Variants in MDGA2 observed in about 807,000 individuals in gnomAD.
The protein encoded by MDGA2 is MAM domain-containing glycosylphosphatidylinositol anchor protein 2.
MDGA2 carries 40 observed loss-of-function variants against 117.8 expected under a neutral mutation model. The ratio of observed to expected loss-of-function variants is 0.34; its 90% CI spans 0.26 to 0.44. The LOEUF is 0.44. Ranked by LOEUF, MDGA2 falls within the 20% of genes least tolerant of loss-of-function variation. The pLI, the probability that MDGA2 is intolerant of heterozygous loss-of-function variation, is 1.00. For missense variants in MDGA2, 1,123 were observed against 1,250.6 expected, an observed-to-expected ratio of 0.90 and a Z score of 1.54; for synonymous variants, 452 against 439.0, an observed-to-expected ratio of 1.03 and a Z score of -0.37.
chr14:47,379,775 A>G (rs551111806), intron 1 of MDGA2, among the ~76,000 whole-genome samples: 1 of 152,166 alleles, frequency 6.6e-6, no homozygotes, highest in African/African-American at 2.4e-5. Flanking sequence ...TAATAATGGG[A>G]GACTTTAACA....
intron 1 of MDGA2, among the ~76,000 whole-genome samples, chr14:47,392,126 G>A (rs1027917474): frequency 4.6e-5 from 7 of 151,966 alleles, no homozygotes; most frequent in African/African-American, 1.7e-4. Context: ...AATGGAAGGC[G>A]TATGTAAAGA....
chr14:47,549,343 A>ATCTCTCTCTCTCTCTCTCTCTCTC (rs3039661), intron 1 of MDGA2, among the ~76,000 whole-genome samples: 93 of 140,220 alleles, frequency 6.6e-4, no homozygotes, highest in East Asian at 1.3e-3. Flanking sequence ...CACCAGTATT[A>ATCTCTCTCTCTCTCTCTCTCTCTC]TCTCTCTCTC....
intron 1 of MDGA2, among the ~76,000 whole-genome samples, chr14:47,635,132 G>T (rs553662385): frequency 1.3e-5 from 2 of 152,094 alleles, no homozygotes; most frequent in East Asian, 1.9e-4. Context: ...TTTATGAGTT[G>T]TATCATCGTC....
intron 1 of MDGA2, among the ~76,000 whole-genome samples, chr14:47,314,871 A>T (rs1889757344): frequency 6.6e-6 from 1 of 152,164 alleles, no homozygotes; most frequent in African/African-American, 2.4e-5. Context: ...TAGTTTATTG[A>T]CATGACGAGA....
chr14:47,518,854 T>C (rs530412434), intron 1 of MDGA2, among the ~76,000 whole-genome samples: 9 of 152,304 alleles, frequency 5.9e-5, no homozygotes, highest in Non-Finnish European at 1.2e-4. Context: ...ATTTTTACTG[T>C]TTTCATTTTC....
chr14:47,555,795 C>A (rs1370132935), intron 1 of MDGA2, among the ~76,000 whole-genome samples: 2 of 152,120 alleles, frequency 1.3e-5, no homozygotes, highest in African/African-American at 4.8e-5. Context: ...TTCTATCCAT[C>A]TCGACCCTTT....
chr14:47,339,881 T>C (rs538911140), intron 1 of MDGA2, among the ~76,000 whole-genome samples: 34 of 152,294 alleles, frequency 2.2e-4, no homozygotes, highest in Non-Finnish European at 4.4e-5. Flanking sequence ...AGCATATGTA[T>C]ATATACATTA....
chr14:47,169,098 C>T (rs1884014070), intron 3 of MDGA2, among the ~76,000 whole-genome samples: 2 of 151,564 alleles, frequency 1.3e-5, no homozygotes, highest in Non-Finnish European at 2.9e-5. Flanking sequence ...ATGAACTTAC[C>T]AAAATTCCCC....
intron 1 of MDGA2, among the ~76,000 whole-genome samples, chr14:47,427,802 A>G (rs11157559): frequency 0.33 from 49,657 of 151,782 alleles, 8,546 homozygotes; most frequent in East Asian, 0.59. Flanking sequence ...GAAGCCTCAC[A>G]TGGCTCTGCT....
At chr14:47,254,671 C>T (rs555971636) in intron 2 of MDGA2, among the ~76,000 whole-genome samples, 2 of 152,274 alleles carry the variant, frequency 1.3e-5, no homozygotes, top group South Asian at 2.1e-4. Context: ...TTATTCTGAG[C>T]CCTCCAAACT....
chr14:47,537,574 TAAAAA>T (rs58060138), intron 1 of MDGA2, among the ~76,000 whole-genome samples: 928 of 36,300 alleles, frequency 0.026, 5 homozygotes, highest in Non-Finnish European at 0.04. Context: ...TTCTCTCTGT[TAAAAA>T]AAAAAAAAAA....
At chr14:46,898,109 G>A (rs1883150899) in intron 10 of MDGA2, among the ~76,000 whole-genome samples, 1 of 151,884 alleles carries the variant, frequency 6.6e-6, no homozygotes. Context: ...ATAAATGCAT[G>A]GAGGACTATT....
intron 2 of MDGA2, among the ~76,000 whole-genome samples, chr14:47,294,828 T>C (rs1290717757): frequency 1.3e-5 from 2 of 152,206 alleles, no homozygotes; most frequent in African/African-American, 4.8e-5. Flanking sequence ...TGGCTACTAA[T>C]GTTTGCTAAG....
At chr14:47,023,214 A>G (rs896948479) in intron 8 of MDGA2, among the ~76,000 whole-genome samples, 21 of 150,986 alleles carry the variant, frequency 1.4e-4, no homozygotes, top group African/African-American at 2.9e-4. Context: ...AAAAAAAAAA[A>G]AAAGAAAAAG....
chr14:47,603,672 T>C (rs956597757), intron 1 of MDGA2, among the ~76,000 whole-genome samples: 1 of 152,128 alleles, frequency 6.6e-6, no homozygotes, highest in East Asian at 1.9e-4. Flanking sequence ...CTTCCCTTCC[T>C]CGTTTCCTTC....
intron 1 of MDGA2, among the ~76,000 whole-genome samples, chr14:47,425,991 T>C (rs897905911): frequency 1.3e-5 from 2 of 152,006 alleles, no homozygotes; most frequent in African/African-American, 4.8e-5. Context: ...CATATCAAAC[T>C]TAGTTTCTTT....
At chr14:46,960,378 A>G (rs1856591609) in intron 8 of MDGA2, 1 of 152,122 alleles carries the variant, frequency 6.6e-6, no homozygotes, top group African/African-American at 2.4e-5. Context: ...GTTATCATTT[A>G]GATCTATCAT....
chr14:46,848,838 C>T (rs983264957), intron 15 of MDGA2, among the ~76,000 whole-genome samples: 2 of 151,918 alleles, frequency 1.3e-5, no homozygotes, highest in Non-Finnish European at 2.9e-5. Context: ...TGCTGAACAA[C>T]AAAACTAGCA....
rs921540917 is a variant in MDGA2, at chr14:47,058,750, C to T, written c.1525+2499G>A. ...TCAAAGGTCAGTTTTGGCTTGAAGA[C>T]AGAATATGTAATCATCTTCAGTAAC... On this transcript the variant is annotated intron_variant, in intron 7 of 16. Coordinates refer to ENST00000399232, the MANE Select transcript of MDGA2 (RefSeq NM_001113498.3). The T allele has an allele frequency of 3.0e-6, 3 of 985,238 alleles. No individual in the cohort carries two copies. In the African/African-American group the frequency reaches 5.2e-5, roughly 17 times the overall value. 61.0% of individuals were successfully genotyped at this position (985,238 alleles called of 1,614,324 possible).
Sources: gnomAD v4.1 joint callset for allele counts (sites outside exome capture counted in the v4.1 genomes callset) on GRCh38, gnomAD v4.1.1 for gene constraint, MANE v1.5 for transcripts, NCBI Gene and HGNC (gene_info 2026-07-23, HGNC 2026-07-21) for gene names.